The following SNX17 variants were observed in gnomAD, a reference collection of about 807,000 sequenced individuals.
The protein encoded by SNX17 is sorting nexin-17.
A neutral mutation model predicts 64.3 loss-of-function variants in SNX17; 35 were observed. The observed-to-expected ratio is 0.54, with a 90% CI of 0.42 to 0.72. The LOEUF is 0.72. SNX17 is among the 30% of genes least tolerant of loss of function. SNX17 has a pLI of 0.00. For synonymous variants in SNX17, 259 were observed against 230.2 expected (o/e 1.13, Z -1.13); for missense variants, 538 against 610.0 (o/e 0.88, Z 1.24).
chr2:27,375,749 C>G lies in SNX17; in HGVS notation c.978+40C>G. Reference sequence around the variant, plus strand: ...GAGGGGGAAGGGCCTGGGTTGGGGGCCCGGCAAGCCTTGAGCTTAGGTATG... The same window carrying G: ...GAGGGGGAAGGGCCTGGGTTGGGGGGCCGGCAAGCCTTGAGCTTAGGTATG... On this transcript the variant is annotated intron_variant, in intron 10 of 14. Transcript: ENST00000233575. This position sits in a 1 kb window ranked among gnomAD's most constrained non-coding sequence, Gnocchi z 4.1. The G allele has an allele frequency of 6.2e-7, 1 of 1,611,730 alleles. No homozygotes were observed. The highest frequency in any genetic ancestry group is 8.5e-7 in the Non-Finnish European group (1 of 1,179,076).
chr2:27,374,033 A>C lies in SNX17; in HGVS notation c.433-52A>C, dbSNP rs1682904551. On this transcript the variant is annotated intron_variant, in intron 5 of 14. Coordinates refer to ENST00000233575, the MANE Select transcript of SNX17 (RefSeq NM_014748.4). ...ACATCCTGGGGTCCTGGGCTTGGAGAATGATTGGAACCAGCCAGTATGATG... is the reference window on the plus strand; with the variant it reads ...ACATCCTGGGGTCCTGGGCTTGGAGCATGATTGGAACCAGCCAGTATGATG... The C allele has an allele frequency of 1.9e-6, 3 of 1,609,240 alleles. No homozygotes were observed. The African/African-American group carries it at 4.0e-5, about 22-fold the overall frequency.
At position 27,374,077 on chromosome 2, in the gene SNX17, A is replaced by C; in HGVS notation, c.433-8A>C. On this transcript the variant is annotated splice_region_variant and splice_polypyrimidine_tract_variant and intron_variant, in intron 5 of 14. Coordinates refer to ENST00000233575, the MANE Select transcript of SNX17 (RefSeq NM_014748.4). The stretch of plus-strand genomic sequence containing the variant: ...TATGATGAGCTGTACTTCTATCCCT[A>C]TCCCCAGGCTGTAGCTGCAAAGCTG... 1.2e-6 allele frequency: 2 copies of C among 1,613,684 alleles called. No homozygotes were observed. The highest frequency in any genetic ancestry group is 2.2e-5 in the South Asian group (2 of 91,068).
chr2:27,372,572 C>A (rs765659233), intron 2 of SNX17, 51 bp from the exon 3 acceptor site: 2 of 1,613,444 alleles, frequency 1.2e-6, no homozygotes, highest in East Asian at 4.5e-5. Flanking sequence ...TAGATTGCCT[C>A]ATCTCATTTT....
chr2:27,372,933 AC>A, intron 3 of SNX17, 193 bp downstream of exon 3: 1 of 1,288,940 alleles, frequency 7.8e-7, no homozygotes, highest in Non-Finnish European at 1.1e-6. Flanking sequence ...CAATTTGGGC[AC>A]TAACATCTAT....
At position 27,371,252 on chromosome 2, in the gene SNX17, T is replaced by A; in HGVS notation, c.64-17T>A. On this transcript the variant is annotated splice_polypyrimidine_tract_variant and intron_variant, in intron 1 of 14. Transcript: ENST00000233575. ...AGACCGCAACCCTAAAATGCTTGAC[T>A]ACTTTTGTGTCCTCAGGCCTATAAC... The A allele has an allele frequency of 6.2e-7, 1 of 1,612,596 alleles. No individual in the cohort carries two copies. Among genetic ancestry groups the A allele is most frequent in the Non-Finnish European group, 8.5e-7 (1 of 1,179,518 alleles).
rs1227205432 is a variant in SNX17, at chr2:27,371,318, G to A, written c.113G>A (p.Ser38Asn). ...GTCCTGCACTGTCGGGTGCGCTACA[G>A]CCAGCTCCTGGGGCTGCACGAGCAG... Reference protein sequence around the residue: ...NGVLHCRVRYSQLLGLHEQLR... With the variant: ...NGVLHCRVRYNQLLGLHEQLR... The change falls in exon 2 of 15, where the codon AGC (serine) becomes AAC (asparagine). Residue 38 changes from serine to asparagine, a missense_variant. This residue lies in a region of SNX17 where 6 missense variants were observed against 21.4 expected (regional missense o/e 0.28). Coordinates refer to ENST00000233575, the MANE Select transcript of SNX17 (RefSeq NM_014748.4). 6.2e-7 allele frequency: 1 copy of A among 1,613,084 alleles called. No homozygotes were observed. The highest frequency in any genetic ancestry group is 8.5e-7 in the Non-Finnish European group (1 of 1,179,930).
At chr2:27,372,534 G>A in intron 2 of SNX17, 89 bp from the exon 3 acceptor site, 1 of 1,588,132 alleles carries the variant, frequency 6.3e-7, no homozygotes, top group Non-Finnish European at 8.6e-7. Context: ...GAAGGGAGGG[G>A]CACCCAAGAG....
At chr2:27,371,393 G>A (rs765088822) in intron 2 of SNX17, 50 bp downstream of exon 2, 4 of 1,570,690 alleles carry the variant, frequency 2.5e-6, no homozygotes, top group South Asian at 1.1e-5. Context: ...TTCCCTACAC[G>A]TGGACATCAG....
At position 27,374,012 on chromosome 2, in the gene SNX17, C is replaced by G. The variant is rs929886415; in HGVS notation, c.432+41C>G. 2.5e-6 allele frequency: 4 copies of G among 1,603,114 alleles called. No individual in the cohort carries two copies. The African/African-American group carries it at 4.0e-5, about 16-fold the overall frequency. ...AGCACTGCCCCTTCTTCCCCTACAT[C>G]CTGGGGTCCTGGGCTTGGAGAATGA... On this transcript the variant is annotated intron_variant, in intron 5 of 14. Transcript: ENST00000233575.
rs1160460096 is a variant in SNX17, at chr2:27,377,442, C to T, written c.*723C>T. On this transcript the variant is annotated 3_prime_UTR_variant, in exon 15 of 15. Coordinates refer to ENST00000233575, the MANE Select transcript of SNX17 (RefSeq NM_014748.4). The surrounding 1 kb of genome is among the most constrained non-coding windows in gnomAD (Gnocchi z 4.4). ...CCCCCGCCCATGGGGTTGGGCTGGTCCTTATAGTGCCTACGTTAGTCTGTG... is the reference window on the plus strand; with the variant it reads ...CCCCCGCCCATGGGGTTGGGCTGGTTCTTATAGTGCCTACGTTAGTCTGTG... 3 of 1,334,584 alleles carry T rather than the reference C, an allele frequency of 2.2e-6. No homozygotes were observed. Among genetic ancestry groups the T allele is most frequent in the Non-Finnish European group, 3.2e-6 (3 of 946,808 alleles). The allele number at this position is 1,334,584 out of a possible 1,614,324, so 82.7% of individuals were successfully genotyped here.
At chr2:27,372,781 T>C (rs763106878) in intron 3 of SNX17, 41 bp downstream of exon 3, 12 of 1,611,850 alleles carry the variant, frequency 7.4e-6, no homozygotes, top group African/African-American at 2.7e-5. Context: ...TATTGAGGAC[T>C]ATGGGGAGAG....
chr2:27,377,427 T>G lies in SNX17; in HGVS notation c.*708T>G. On this transcript the variant is annotated 3_prime_UTR_variant, in exon 15 of 15. Transcript: ENST00000233575. This position sits in a 1 kb window ranked among gnomAD's most constrained non-coding sequence, Gnocchi z 4.4. ...TGGTCCATATGGGCCCCCCCGCCCA[T>G]GGGGTTGGGCTGGTCCTTATAGTGC... is the stretch of plus-strand genomic sequence containing the variant. 6 of 1,128,736 alleles carry G rather than the reference T, an allele frequency of 5.3e-6. No homozygotes were observed. Among genetic ancestry groups the G allele is most frequent in the Non-Finnish European group, 7.8e-6 (6 of 766,776 alleles). The allele number at this position is 1,128,736 out of a possible 1,614,324, so 69.9% of individuals were successfully genotyped here.
chr2:27,371,152 T>C, intron 1 of SNX17, 117 bp from the exon 2 acceptor site: 1 of 925,344 alleles, frequency 1.1e-6, no homozygotes, highest in Non-Finnish European at 1.7e-6. Context: ...AAGCGAACTA[T>C]CCCTCGGGAG....
rs767204899 is a variant in SNX17, at chr2:27,371,271, C to G, written c.66C>G (p.Ala22=). ...CTTGACTACTTTTGTGTCCTCAGGC[C>G]TATAACATTCACGTGAATGGAGTCC... ...SGDSGGSAYV[A]YNIHVNGVLH... is the part of the protein sequence containing the mutation. The change falls in exon 2 of 15, where the codon GCC becomes GCG. Residue 22 remains alanine, a splice_region_variant and synonymous_variant. Transcript: ENST00000233575. 2.2e-5 allele frequency: 36 copies of G among 1,613,526 alleles called. No homozygotes were observed. In the East Asian group the frequency reaches 8.0e-4, roughly 36 times the overall value.
In SNX17 at chr2:27,376,495, C is replaced by G. The variant is rs1367307315; in HGVS notation, c.1274C>G (p.Thr425Ser). The G allele has an allele frequency of 4.3e-6, 7 of 1,614,178 alleles. No individual in the cohort carries two copies. Among genetic ancestry groups the G allele is most frequent in the South Asian group, 1.1e-5 (1 of 91,086 alleles). ...CTTCCCCAGGAGTCACCTGATGCCA[C>G]CCGGGAGTCTATGGTCAAACTCTCA... ...SPPLLESPDA[T>S]RESMVKLSSK... is the part of the protein sequence containing the mutation. Residue 425 changes from threonine to serine, a missense_variant, in exon 14 of 15, where the codon ACC becomes AGC. Around this residue, in one of 3 missense-constraint regions of SNX17, gnomAD observed 505 missense variants for 550.4 expected, o/e 0.92. Coordinates refer to ENST00000233575, the MANE Select transcript of SNX17 (RefSeq NM_014748.4).
chr2:27,375,155 TGAG>T lies in SNX17; in HGVS notation c.774+3_774+5del. 1 of 1,613,090 alleles carries T rather than the reference TGAG, an allele frequency of 6.2e-7. No individual in the cohort carries two copies. Among genetic ancestry groups the T allele is most frequent in the Non-Finnish European group, 8.5e-7 (1 of 1,179,110 alleles). ...CAAGAGAAAGTCTCCAAGAAGGAGGTGAGCCCTGCCTCCTCTCTGTCTTCCTCT... is the reference window on the plus strand; with the variant it reads ...CAAGAGAAAGTCTCCAAGAAGGAGGTCCCTGCCTCCTCTCTGTCTTCCTCT... On this transcript the variant is annotated splice_donor_5th_base_variant and intron_variant, in intron 9 of 14. Coordinates refer to ENST00000233575, the MANE Select transcript of SNX17 (RefSeq NM_014748.4). The surrounding 1 kb of genome is among the most constrained non-coding windows in gnomAD (Gnocchi z 4.1).
In SNX17 at chr2:27,376,305, G is replaced by C; in HGVS notation, c.1183-8G>C. The C allele has an allele frequency of 6.2e-7, 1 of 1,611,978 alleles. No homozygotes were observed. On this transcript the variant is annotated splice_region_variant and splice_polypyrimidine_tract_variant and intron_variant, in intron 12 of 14. Transcript: ENST00000233575. Reference sequence around the variant, plus strand: ...CTGCCCTCACCGGCACCTTGTGTCTGTCCCCAGATGCTGCGCCGGCGGGTG... The same window carrying C: ...CTGCCCTCACCGGCACCTTGTGTCTCTCCCCAGATGCTGCGCCGGCGGGTG...
At chr2:27,371,112 TC>T (rs1241277358) in intron 1 of SNX17, among the ~76,000 whole-genome samples, 156 bp from the exon 2 acceptor site, 2 of 152,244 alleles carry the variant, frequency 1.3e-5, no homozygotes, top group African/African-American at 4.8e-5. Context: ...GACTGGCTCT[TC>T]AGCTTTGGGA....
intron 2 of SNX17, chr2:27,371,719 A>C: frequency 5.6e-6 from 1 of 179,454 alleles, no homozygotes; most frequent in Admixed American, 5.7e-5. Flanking sequence ...CAAACGATTC[A>C]CCGATTTCCT....
Sources: gnomAD v4.1 joint callset for allele counts (sites outside exome capture counted in the v4.1 genomes callset) on GRCh38, gnomAD v4.1.1 for gene constraint, gnomAD v4.1.1 regional missense constraint, Gnocchi (gnomAD v3.1) non-coding constraint, MANE v1.5 for transcripts, NCBI Gene and HGNC (gene_info 2026-07-23, HGNC 2026-07-21) for gene names.